The following MYO1E variants were observed in gnomAD, a reference collection of about 807,000 sequenced individuals.
MYO1E encodes unconventional myosin-Ie.
In MYO1E, 68 loss-of-function variants were observed where a neutral mutation model predicts 151.1. That is an observed-to-expected ratio of 0.45 (90% CI 0.37 to 0.55). MYO1E has a LOEUF of 0.55. Ranked by LOEUF, MYO1E falls within the 20% of genes least tolerant of loss-of-function variation. The pLI is 0.00. For synonymous variants in MYO1E, 601 were observed against 501.7 expected, an observed-to-expected ratio of 1.20 and a Z score of -2.64; for missense variants, 1,363 against 1,389.3, an observed-to-expected ratio of 0.98 and a Z score of 0.30.
chr15:59,268,499 T>A (rs1404103134), intron 2 of MYO1E, among the ~76,000 whole-genome samples: 2 of 152,208 alleles, frequency 1.3e-5, no homozygotes. Context: ...AAAAAGCAAG[T>A]CTTAACAGTC....
At chr15:59,147,507 G>A (rs1048591023) in intron 26 of MYO1E, among the ~76,000 whole-genome samples, 5 of 148,788 alleles carry the variant, frequency 3.4e-5, no homozygotes, top group Admixed American at 6.8e-5. Context: ...CATGAGAATC[G>A]CTTGAACGTG....
Position 59,217,900 on chromosome 15 carries a change from G to C in MYO1E, c.1098C>G (p.Phe366Leu). The C allele has an allele frequency of 6.2e-7, 1 of 1,614,094 alleles. No individual in the cohort carries two copies. The highest frequency in any genetic ancestry group is 8.5e-7 in the Non-Finnish European group (1 of 1,179,998). Residue 366 changes from phenylalanine to leucine, a missense_variant, in exon 10 of 28, where the codon TTC becomes TTG. Coordinates refer to ENST00000288235, the MANE Select transcript of MYO1E (RefSeq NM_004998.4). The part of the protein sequence containing the change: ...AKALHARVFD[F>L]LVDSINKAME... ...AACTTCTGTTACTTACATCTACCAA[G>C]AAATCAAAGACCCGGGCGTGCAGGG... is the stretch of plus-strand genomic sequence containing the variant.
chr15:59,149,281 C>T (rs1308707625), intron 26 of MYO1E, among the ~76,000 whole-genome samples: 3 of 152,076 alleles, frequency 2.0e-5, no homozygotes, highest in Non-Finnish European at 2.9e-5. Context: ...TGGTCTTGAT[C>T]TCCTGACCTC....
At chr15:59,347,334 C>T (rs897054491) in intron 1 of MYO1E, among the ~76,000 whole-genome samples, 19 of 152,142 alleles carry the variant, frequency 1.2e-4, no homozygotes, top group African/African-American at 4.6e-4. Context: ...CAAAACCATC[C>T]CCACTCCACA....
chr15:59,327,378 G>A (rs1200428397), intron 1 of MYO1E, among the ~76,000 whole-genome samples: 2 of 151,472 alleles, frequency 1.3e-5, no homozygotes, highest in Non-Finnish European at 2.9e-5. Context: ...CCAGGCTGGA[G>A]TGCAGTGCCA....
At chr15:59,281,658 C>G (rs2080353999) in intron 1 of MYO1E, among the ~76,000 whole-genome samples, 1 of 152,112 alleles carries the variant, frequency 6.6e-6, no homozygotes. Flanking sequence ...AACAAGTTTC[C>G]TATAACCACA....
intron 25 of MYO1E, 144 bp downstream of exon 25, chr15:59,158,143 C>A: frequency 1.3e-6 from 1 of 758,108 alleles, no homozygotes; most frequent in Non-Finnish European, 2.3e-6. Context: ...AGTAGGGCTG[C>A]TGTGTTGTAC....
chr15:59,218,428 A>G (rs1230104204), intron 9 of MYO1E: 2 of 410,778 alleles, frequency 4.9e-6, no homozygotes, highest in African/African-American at 4.1e-5. Flanking sequence ...CCAAGCTTCC[A>G]GCACGACAGC....
chr15:59,202,175 T>C (rs1396667052), intron 16 of MYO1E, 151 bp downstream of exon 16: 6 of 691,646 alleles, frequency 8.7e-6, no homozygotes, highest in East Asian at 5.5e-5. Context: ...TCCTGGAACC[T>C]TGTAACAAGC....
chr15:59,370,230 G>A (rs888446665), intron 1 of MYO1E, among the ~76,000 whole-genome samples: 2 of 152,212 alleles, frequency 1.3e-5, no homozygotes, highest in Non-Finnish European at 2.9e-5. Flanking sequence ...GGCAGGCCTG[G>A]GCAGATGTGG....
At chr15:59,356,975 G>A (rs1004934721) in intron 1 of MYO1E, among the ~76,000 whole-genome samples, 16 of 151,376 alleles carry the variant, frequency 1.1e-4, no homozygotes, top group Non-Finnish European at 1.2e-4. Context: ...GCACGATCTC[G>A]GCTCACTGCA....
intron 2 of MYO1E, among the ~76,000 whole-genome samples, chr15:59,268,646 G>A (rs1382834252): frequency 6.9e-6 from 1 of 145,346 alleles, no homozygotes; most frequent in African/African-American, 2.5e-5. Context: ...GGCCATATGT[G>A]GTTAAACTGA....
At chr15:59,163,095 G>A in intron 23 of MYO1E, 62 bp downstream of exon 23, 1 of 1,579,630 alleles carries the variant, frequency 6.3e-7, no homozygotes, top group East Asian at 2.3e-5. Flanking sequence ...TGAATCGCAG[G>A]GGTGCGATCA....
chr15:59,318,337 A>G (rs1405122161), intron 1 of MYO1E, among the ~76,000 whole-genome samples: 1 of 152,216 alleles, frequency 6.6e-6, no homozygotes, highest in African/African-American at 2.4e-5. Flanking sequence ...ACACTCCTGT[A>G]TGCAATAGAA....
At chr15:59,158,108 T>C (rs2079518810) in intron 25 of MYO1E, among the ~76,000 whole-genome samples, 179 bp downstream of exon 25, 1 of 152,238 alleles carries the variant, frequency 6.6e-6, no homozygotes, top group African/African-American at 2.4e-5. Flanking sequence ...CACTGACTCC[T>C]ATTTTTCTGA....
chr15:59,338,681 G>C (rs2080745052), intron 1 of MYO1E, among the ~76,000 whole-genome samples: 2 of 152,068 alleles, frequency 1.3e-5, no homozygotes, highest in African/African-American at 4.8e-5. Flanking sequence ...CTTCCCACAG[G>C]CAGGAGGAGC....
rs181627218 is a variant in MYO1E at position 59,350,639 on chromosome 15, G to A, written c.3+21859C>T. On this transcript the variant is annotated intron_variant, in intron 1 of 27. Coordinates refer to ENST00000288235, the MANE Select transcript of MYO1E (RefSeq NM_004998.4). The surrounding 1 kb of genome is among the most constrained non-coding windows in gnomAD (Gnocchi z 5.0). ...TACAGGAATGTGGGAAGGCCAAAGG[G>A]AAAGATGGTGAATTCTGAAAAATAT... Among the ~76,000 whole-genome samples, 5 of 152,286 alleles carry A rather than the reference G, an allele frequency of 3.3e-5. No homozygotes were observed. In the East Asian group the frequency reaches 9.7e-4, roughly 29 times the overall value.
intron 1 of MYO1E, among the ~76,000 whole-genome samples, chr15:59,361,679 A>G (rs2080886110): frequency 6.6e-6 from 1 of 152,210 alleles, no homozygotes; most frequent in South Asian, 2.1e-4. Flanking sequence ...ACTGCCTAGA[A>G]TTAATAATAT....
chr15:59,151,999 C>CAG (rs1306239081), intron 26 of MYO1E, among the ~76,000 whole-genome samples: 1 of 151,422 alleles, frequency 6.6e-6, no homozygotes, highest in Non-Finnish European at 1.5e-5. Flanking sequence ...ACCCGGGAGG[C>CAG]AGAGATTGCA....
Sources: allele counts gnomAD v4.1 joint callset (sites outside exome capture counted in the v4.1 genomes callset), GRCh38; gene constraint gnomAD v4.1.1; non-coding constraint Gnocchi (gnomAD v3.1); transcripts MANE v1.5; gene names NCBI Gene and HGNC (gene_info 2026-07-23, HGNC 2026-07-21).